Variants in WDR37 observed in about 807,000 individuals in gnomAD.
WDR37 encodes WD repeat domain 37.
WDR37 carries 19 observed loss-of-function variants against 62.9 expected under a neutral mutation model. That is an observed-to-expected ratio of 0.30 (90% CI 0.21 to 0.44). WDR37 has a LOEUF of 0.44. Among genes scored for constraint, WDR37 ranks in the 20% least tolerant of loss-of-function variants. The pLI is 1.00. For missense variants in WDR37, 474 were observed against 657.6 expected (o/e 0.72, Z 3.05); for synonymous variants, 250 against 260.9 (o/e 0.96, Z 0.40).
rs914951510 is a variant in WDR37, at chr10:1,127,778, C to T, written c.1354-1435C>T. On this transcript the variant is annotated intron_variant, in intron 13 of 13. Coordinates refer to ENST00000263150, the MANE Select transcript of WDR37 (RefSeq NM_014023.4). ...GAGGCCCGTGGGGCCCCGTGCTGAG[C>T]GTCCTGGAGCACATCACGTGCACTG... Among the ~76,000 whole-genome samples, 9 of 151,916 alleles carry T rather than the reference C, an allele frequency of 5.9e-5. No homozygotes were observed. The South Asian group carries it at 1.0e-3, about 17-fold the overall frequency.
intron 3 of WDR37, 133 bp from the exon 4 acceptor site, chr10:1,079,878 T>C (rs1467188457): frequency 1.5e-6 from 1 of 672,888 alleles, no homozygotes; most frequent in Non-Finnish European, 2.5e-6. Flanking sequence ...TCTTGCTTAT[T>C]AGAATATTAT....
At chr10:1,075,823 C>T (rs1375666494) in intron 2 of WDR37, among the ~76,000 whole-genome samples, 1 of 146,748 alleles carries the variant, frequency 6.8e-6, no homozygotes, top group African/African-American at 2.5e-5. Context: ...GCTCCGTTGT[C>T]CAGGCTAGAG....
rs1297952344 is a variant in WDR37 at position 1,072,293 on chromosome 10, A to G, written c.138A>G (p.Gln46=). 5 of 1,613,526 alleles carry G rather than the reference A, an allele frequency of 3.1e-6. No individual in the cohort carries two copies. Among genetic ancestry groups the G allele is most frequent in the African/African-American group, 1.3e-5 (1 of 75,008 alleles). The part of the protein sequence containing the change: ...TGLPRDMLEG[Q]DSKLPSSVRS... ...TGCCAAGAGACATGTTAGAAGGACA[A>G]GTAAGCTACGATTGATTAGGGCCTT... Residue 46 remains glutamine (Q), a splice_region_variant and synonymous_variant, in exon 2 of 14, where the codon CAA becomes CAG. Coordinates refer to ENST00000263150, the MANE Select transcript of WDR37 (RefSeq NM_014023.4).
chr10:1,127,006 G>C (rs1343782605), intron 13 of WDR37, among the ~76,000 whole-genome samples: 2 of 152,178 alleles, frequency 1.3e-5, no homozygotes, highest in Non-Finnish European at 2.9e-5. Context: ...TTCATGTTTT[G>C]TTAACAGCTG....
At chr10:1,116,612 T>A (rs1298227973) in intron 11 of WDR37, among the ~76,000 whole-genome samples, 1 of 152,220 alleles carries the variant, frequency 6.6e-6, no homozygotes, top group Non-Finnish European at 1.5e-5. Flanking sequence ...TATCCAAGGT[T>A]ATCATAAAAC....
intron 1 of WDR37, among the ~76,000 whole-genome samples, chr10:1,067,912 C>T (rs1439235004): frequency 6.6e-6 from 1 of 152,038 alleles, no homozygotes; most frequent in Non-Finnish European, 1.5e-5. Context: ...TGAAATTATG[C>T]CATTCGCAGC....
At chr10:1,083,324 C>G (rs1834089788) in intron 5 of WDR37, among the ~76,000 whole-genome samples, 1 of 152,216 alleles carries the variant, frequency 6.6e-6, no homozygotes, top group Non-Finnish European at 1.5e-5. Flanking sequence ...AAATGTTGGC[C>G]TCTTCCTCAG....
At chr10:1,077,531 A>G (rs1372532684) in intron 2 of WDR37, among the ~76,000 whole-genome samples, 1 of 152,176 alleles carries the variant, frequency 6.6e-6, no homozygotes, top group African/African-American at 2.4e-5. Context: ...AAATACTTGT[A>G]GGATAGCGTA....
At chr10:1,087,496 A>G (rs775404500) in intron 7 of WDR37, among the ~76,000 whole-genome samples, 1 of 152,272 alleles carries the variant, frequency 6.6e-6, no homozygotes, top group Non-Finnish European at 1.5e-5. Flanking sequence ...CCTGGGCTAC[A>G]GAATGGATGT....
chr10:1,070,314 A>T (rs1312302313), intron 1 of WDR37, among the ~76,000 whole-genome samples: 1 of 152,194 alleles, frequency 6.6e-6, no homozygotes, highest in Non-Finnish European at 1.5e-5. Context: ...ACTGTCCTAA[A>T]TAATAGGCAA....
In WDR37 at chr10:1,106,311, C is replaced by T. The variant is rs57420585; in HGVS notation, c.1103+1044C>T. 6.7e-3 allele frequency among the ~76,000 whole-genome samples: 1,026 copies of T among 152,252 alleles called. 15 individuals carry two copies. The highest frequency in any genetic ancestry group is 0.023 in the African/African-American group (973 of 41,528). On this transcript the variant is annotated intron_variant, in intron 11 of 13. Coordinates refer to ENST00000263150, the MANE Select transcript of WDR37 (RefSeq NM_014023.4). ...GCCATGCCTGTGGGATCTTCCCGGC[C>T]GCTCCTCGCTCCTCCATGCTCCCCC... is the stretch of plus-strand genomic sequence containing the variant.
chr10:1,066,022 A>G (rs1176795022), intron 1 of WDR37, among the ~76,000 whole-genome samples: 1 of 6,050 alleles, frequency 1.7e-4, no homozygotes, highest in African/African-American at 1.8e-4. Flanking sequence ...TATACTAGCA[A>G]TTAACGTGGA....
chr10:1,069,388 TA>T (rs1480982704), intron 1 of WDR37, among the ~76,000 whole-genome samples: 14 of 45,042 alleles, frequency 3.1e-4, no homozygotes, highest in Admixed American at 1.2e-3. Flanking sequence ...TATATATATA[TA>T]TTTTTTTTTT....
chr10:1,092,610 G>A (rs1311071056), intron 7 of WDR37, among the ~76,000 whole-genome samples: 1 of 151,460 alleles, frequency 6.6e-6, no homozygotes, highest in Non-Finnish European at 1.5e-5. Flanking sequence ...TGCCCGCCTC[G>A]GCCTCCCAAA....
intron 11 of WDR37, among the ~76,000 whole-genome samples, chr10:1,119,157 T>C (rs1272288369): frequency 6.6e-6 from 1 of 152,200 alleles, no homozygotes; most frequent in African/African-American, 2.4e-5. Flanking sequence ...CTCCTGCAGA[T>C]GCAGTGGTTG....
intron 1 of WDR37, among the ~76,000 whole-genome samples, chr10:1,068,957 A>G (rs1833638136): frequency 1.3e-5 from 2 of 152,236 alleles, no homozygotes; most frequent in African/African-American, 4.8e-5. Context: ...CGTATGTTGT[A>G]TGATTCCATT....
intron 13 of WDR37, among the ~76,000 whole-genome samples, chr10:1,126,145 C>T (rs879448846): frequency 1.3e-5 from 2 of 152,086 alleles, no homozygotes; most frequent in Non-Finnish European, 2.9e-5. Flanking sequence ...GTGGCTGACG[C>T]CTGTAATCGT....
chr10:1,094,551 C>T (rs150328503), intron 8 of WDR37, among the ~76,000 whole-genome samples: 10 of 152,232 alleles, frequency 6.6e-5, no homozygotes, highest in African/African-American at 2.2e-4. Flanking sequence ...CACCTTCATA[C>T]GTGGATGAAG....
chr10:1,129,131 T>C, intron 13 of WDR37, 82 bp from the exon 14 acceptor site: 1 of 1,567,466 alleles, frequency 6.4e-7, no homozygotes, highest in Non-Finnish European at 8.7e-7. Flanking sequence ...CTTTGAGTGA[T>C]GTGGTTATTC....
Sources: gnomAD v4.1 joint callset for allele counts (sites outside exome capture counted in the v4.1 genomes callset) on GRCh38, gnomAD v4.1.1 for gene constraint, MANE v1.5 for transcripts, NCBI Gene and HGNC (gene_info 2026-07-23, HGNC 2026-07-21) for gene names.